The following SLC35F1 variants were observed in gnomAD, a reference collection of about 807,000 sequenced individuals.
SLC35F1 encodes the protein solute carrier family 35 member F1.
SLC35F1 carries 14 observed loss-of-function variants against 48.7 expected under a neutral mutation model. The ratio of observed to expected loss-of-function variants is 0.29; its 90% CI spans 0.19 to 0.45. SLC35F1 has a LOEUF of 0.45. Ranked by LOEUF, SLC35F1 falls within the 20% of genes least tolerant of loss-of-function variation. The pLI, the probability that SLC35F1 is intolerant of heterozygous loss-of-function variation, is 1.00. For missense variants in SLC35F1, 404 were observed against 500.0 expected, an observed-to-expected ratio of 0.81 and a Z score of 1.83; for synonymous variants, 190 against 202.2, an observed-to-expected ratio of 0.94 and a Z score of 0.51.
intron 1 of SLC35F1, among the ~76,000 whole-genome samples, chr6:118,004,907 C>T (rs2114871138): frequency 6.6e-6 from 1 of 151,802 alleles, no homozygotes; most frequent in Non-Finnish European, 1.5e-5. Context: ...AGTTGCTGGT[C>T]ATACAAAATC....
intron 2 of SLC35F1, among the ~76,000 whole-genome samples, chr6:118,198,333 A>G (rs554547498): frequency 3.3e-5 from 5 of 152,226 alleles, no homozygotes; most frequent in Non-Finnish European, 7.4e-5. Flanking sequence ...AGATCTTCTG[A>G]GCTAATATCA....
At chr6:118,167,153 A>T (rs915199080) in intron 2 of SLC35F1, among the ~76,000 whole-genome samples, 18 of 151,992 alleles carry the variant, frequency 1.2e-4, no homozygotes, top group Non-Finnish European at 2.1e-4. Flanking sequence ...AGTAAAGATG[A>T]TCTCCCTTCT....
chr6:118,072,203 A>C (rs977521079), intron 1 of SLC35F1, among the ~76,000 whole-genome samples: 2 of 152,290 alleles, frequency 1.3e-5, no homozygotes, highest in Non-Finnish European at 2.9e-5. Context: ...TTTAATTTCC[A>C]AGAGATTTTT....
intron 1 of SLC35F1, among the ~76,000 whole-genome samples, chr6:117,919,229 T>C (rs1398100720): frequency 3.3e-5 from 5 of 152,188 alleles, no homozygotes; most frequent in Non-Finnish European, 7.3e-5. Context: ...TTCAAGGTTT[T>C]ATGTCTGGTC....
At chr6:118,061,590 G>GTGTATATATATATATATA (rs911818102) in intron 1 of SLC35F1, among the ~76,000 whole-genome samples, 1 of 144,418 alleles carries the variant, frequency 6.9e-6, no homozygotes, top group African/African-American at 2.6e-5. Flanking sequence ...GTGTGTGTGT[G>GTGTATATATATATATATA]TATATATATA....
chr6:118,081,393 G>C (rs1015167907), intron 1 of SLC35F1, among the ~76,000 whole-genome samples: 1 of 152,050 alleles, frequency 6.6e-6, no homozygotes, highest in Non-Finnish European at 1.5e-5. Flanking sequence ...CACTGTGGGA[G>C]GCTGAGATGG....
At chr6:118,288,426 G>A (rs944092942) in intron 7 of SLC35F1, among the ~76,000 whole-genome samples, 1 of 152,080 alleles carries the variant, frequency 6.6e-6, no homozygotes, top group Non-Finnish European at 1.5e-5. Flanking sequence ...ATCTGGAAAG[G>A]CCAGACAACT....
intron 2 of SLC35F1, among the ~76,000 whole-genome samples, chr6:118,195,642 C>CAG (rs1467150335): frequency 4.6e-5 from 7 of 152,158 alleles, no homozygotes; most frequent in African/African-American, 1.7e-4. Context: ...CTGACCCAGT[C>CAG]AGATGTAAGA....
In SLC35F1 at chr6:117,922,809, C is replaced by T. The variant is rs2114802183; in HGVS notation, c.173+14910C>T. ...CCAGGTTTAGTTGGGATTTGTTTAA[C>T]TTGCAGCTGAAAGCATCCCTAAGCA... On this transcript the variant is annotated intron_variant, in intron 1 of 7. Coordinates refer to ENST00000360388, the MANE Select transcript of SLC35F1 (RefSeq NM_001029858.4). 2.6e-5 allele frequency among the ~76,000 whole-genome samples: 4 copies of T among 152,266 alleles called. No individual in the cohort carries two copies. In the South Asian group the frequency reaches 8.3e-4, roughly 32 times the overall value.
chr6:118,055,672 CA>C (rs1282136357), intron 1 of SLC35F1, among the ~76,000 whole-genome samples: 3 of 152,276 alleles, frequency 2.0e-5, no homozygotes, highest in African/African-American at 7.2e-5. Context: ...ATGAGGTCTA[CA>C]AGCAGAAAAG....
At chr6:118,158,499 G>C (rs1353015957) in intron 2 of SLC35F1, among the ~76,000 whole-genome samples, 1 of 152,150 alleles carries the variant, frequency 6.6e-6, no homozygotes, top group African/African-American at 2.4e-5. Flanking sequence ...CCACCTATCA[G>C]CATGAAGTTA....
intron 2 of SLC35F1, among the ~76,000 whole-genome samples, chr6:118,228,691 C>G (rs895715505): frequency 6.6e-6 from 1 of 152,052 alleles, no homozygotes; most frequent in Non-Finnish European, 1.5e-5. Flanking sequence ...GGGACCCTGT[C>G]TCAAAAACAA....
intron 1 of SLC35F1, among the ~76,000 whole-genome samples, chr6:117,944,592 TAC>T (rs60520269): frequency 0.016 from 2,127 of 135,940 alleles, 27 homozygotes; most frequent in African/African-American, 0.037. Context: ...CACATACACA[TAC>T]ACACACACAC....
At chr6:117,908,953 C>G (rs1244160845) in intron 1 of SLC35F1, among the ~76,000 whole-genome samples, 1 of 152,164 alleles carries the variant, frequency 6.6e-6, no homozygotes, top group African/African-American at 2.4e-5. Flanking sequence ...GCTCAAAGCT[C>G]TGGTGGGAGT....
At chr6:118,214,419 C>T (rs1266442096) in intron 2 of SLC35F1, among the ~76,000 whole-genome samples, 2 of 152,174 alleles carry the variant, frequency 1.3e-5, no homozygotes, top group African/African-American at 4.8e-5. Flanking sequence ...GTGATTGACA[C>T]TTTAAAAGAG....
chr6:118,037,238 T>C, intron 1 of SLC35F1, among the ~76,000 whole-genome samples: 1 of 152,350 alleles, frequency 6.6e-6, no homozygotes, highest in East Asian at 1.9e-4. Flanking sequence ...ATTTAAAGTG[T>C]ATCTTTTTAA....
At chr6:118,007,737 G>T (rs1197348125) in intron 1 of SLC35F1, among the ~76,000 whole-genome samples, 3 of 152,102 alleles carry the variant, frequency 2.0e-5, no homozygotes, top group Non-Finnish European at 4.4e-5. Context: ...AGGAGTCCAG[G>T]TATGGGCTAA....
chr6:118,272,239 G>A (rs554352737), intron 4 of SLC35F1, among the ~76,000 whole-genome samples: 4 of 152,276 alleles, frequency 2.6e-5, no homozygotes, highest in African/African-American at 9.6e-5. Flanking sequence ...GGGGAAATGA[G>A]ATACACAAGT....
chr6:118,212,462 G>A (rs1029155900), intron 2 of SLC35F1, among the ~76,000 whole-genome samples: 2 of 152,100 alleles, frequency 1.3e-5, no homozygotes, highest in African/African-American at 4.8e-5. Context: ...GGGTGAGGCA[G>A]GAGGATCACC....
Sources: gnomAD v4.1 joint callset for allele counts (sites outside exome capture counted in the v4.1 genomes callset) on GRCh38, gnomAD v4.1.1 for gene constraint, MANE v1.5 for transcripts, NCBI Gene and HGNC (gene_info 2026-07-23, HGNC 2026-07-21) for gene names.